Variants in LRRC4B observed in about 807,000 individuals in gnomAD.
LRRC4B encodes the protein leucine rich repeat containing 4B.
Under a neutral mutation model 7.3 loss-of-function variants are expected in LRRC4B, and 1 was observed. The ratio of observed to expected loss-of-function variants is 0.14; its 90% CI spans 0.05 to 0.65. The LOEUF is 0.65. LRRC4B is among the 30% of genes least tolerant of loss of function. The pLI is 0.84. For synonymous variants in LRRC4B, 500 were observed against 499.2 expected (o/e 1.00, Z -0.02); for missense variants, 730 against 1,041.6 (o/e 0.70, Z 4.12).
In LRRC4B at chr19:50,548,550, C is replaced by T. The variant is rs1322925808; in HGVS notation, c.289G>A (p.Gly97Ser). The T allele has an allele frequency of 4.4e-6, 7 of 1,596,170 alleles. No individual in the cohort carries two copies. The highest frequency in any genetic ancestry group is 1.3e-5 in the African/African-American group (1 of 74,854). Residue 97 changes from glycine to serine, a missense_variant, in exon 2 of 3, where the codon GGC becomes AGC. This residue lies in a region of LRRC4B where 143 missense variants were observed against 158.4 expected (regional missense o/e 0.90). Transcript: ENST00000652263. This position sits in a 1 kb window ranked among gnomAD's most constrained non-coding sequence, Gnocchi z 6.8. Reference sequence around the variant, plus strand: ...CCGCTGGCCCCGCATACCTGGATGCCGTTCTCTTGCAGGTTCAGGTACCGC... The same window carrying T: ...CCGCTGGCCCCGCATACCTGGATGCTGTTCTCTTGCAGGTTCAGGTACCGC... ...NTRYLNLQEN[G>S]IQVIRTDTFK...
intron 2 of LRRC4B, among the ~76,000 whole-genome samples, chr19:50,530,622 G>T (rs1981013410): frequency 6.6e-6 from 1 of 152,212 alleles, no homozygotes; most frequent in Non-Finnish European, 1.5e-5. Flanking sequence ...CGTCAGCCTT[G>T]CGAGCTGCTC....
rs946831941 is a variant in LRRC4B at position 50,517,558 on chromosome 19, C to G, written c.*13G>C. On this transcript the variant is annotated 3_prime_UTR_variant, in exon 3 of 3. Coordinates refer to ENST00000652263, the MANE Select transcript of LRRC4B (RefSeq NM_001080457.2). This position sits in a 1 kb window ranked among gnomAD's most constrained non-coding sequence, Gnocchi z 6.6. Reference sequence around the variant, plus strand: ...GGGGGCTCCACGCCCCTCGCCCGCCCGGCCCCGCCGCCTCAGATCTGCGTC... The same window carrying G: ...GGGGGCTCCACGCCCCTCGCCCGCCGGGCCCCGCCGCCTCAGATCTGCGTC... 2 of 1,418,854 alleles carry G rather than the reference C, an allele frequency of 1.4e-6. No homozygotes were observed. Among genetic ancestry groups the G allele is most frequent in the African/African-American group, 3.0e-5 (2 of 66,788 alleles). 87.9% of individuals were successfully genotyped at this position (1,418,854 alleles called of 1,614,324 possible). A position where few individuals can be genotyped will look rare whatever the true frequency, so the allele number is the denominator to read the frequency against.
chr19:50,552,120 C>CTCATGGCA (rs552360482), intron 1 of LRRC4B, among the ~76,000 whole-genome samples: 1 of 152,228 alleles, frequency 6.6e-6, no homozygotes, highest in East Asian at 1.9e-4. Flanking sequence ...AAGCCGGAGC[C>CTCATGGCA]TCATGGCACA....
At position 50,556,877 on chromosome 19, in the gene LRRC4B, C is replaced by G. The variant is rs1206028643; in HGVS notation, c.-35-8004G>C. On this transcript the variant is annotated intron_variant, in intron 1 of 2. Transcript: ENST00000652263. The surrounding 1 kb of genome is among the most constrained non-coding windows in gnomAD (Gnocchi z 4.2). ...TGAGAGGGCGGGCACAGGGTGGGCC[C>G]CGGAACGTCCAGGAGGGAAGCCGGG... Among the ~76,000 whole-genome samples the G allele has an allele frequency of 6.6e-6, 1 of 151,792 alleles. No individual in the cohort carries two copies. The highest frequency in any genetic ancestry group is 2.4e-5 in the African/African-American group (1 of 41,288).
chr19:50,525,967 C>A (rs1980792966), intron 2 of LRRC4B, among the ~76,000 whole-genome samples: 1 of 152,094 alleles, frequency 6.6e-6, no homozygotes, highest in African/African-American at 2.4e-5. Context: ...TTGCGGTGAG[C>A]CGAGATAACG....
At chr19:50,559,156 C>T (rs543186555) in intron 1 of LRRC4B, among the ~76,000 whole-genome samples, 24 of 152,220 alleles carry the variant, frequency 1.6e-4, no homozygotes, top group South Asian at 6.2e-4. Flanking sequence ...AAAAGAGGGC[C>T]GGGGGTGGTG....
At chr19:50,527,174 A>G (rs1483085484) in intron 2 of LRRC4B, among the ~76,000 whole-genome samples, 1 of 151,758 alleles carries the variant, frequency 6.6e-6, no homozygotes, top group East Asian at 1.9e-4. Flanking sequence ...CTGGGACTAC[A>G]GGCACCCGCC....
rs776248568 is a variant in LRRC4B at position 50,548,684 on chromosome 19, G to A, written c.155C>T (p.Pro52Leu). Residue 52 changes from proline (P) to leucine (L), a missense_variant, in exon 2 of 3, where the codon CCG becomes CTG. By Grantham distance (98) the Pro-to-Leu change is moderately conservative. Transcript: ENST00000652263. This position sits in a 1 kb window ranked among gnomAD's most constrained non-coding sequence, Gnocchi z 6.8. ...GGCCACGGGGCAGGAGGTGGCCGGC[G>A]GGGAGCCCCCTCCGGCGGCAGACGT... ...AVTSAAGGGS[P>L]PATSCPVACS... The A allele has an allele frequency of 4.3e-5, 66 of 1,552,784 alleles. No homozygotes were observed. The East Asian group carries it at 5.5e-4, about 13-fold the overall frequency.
In LRRC4B at chr19:50,519,182, G is replaced by A; in HGVS notation, c.531C>T (p.Ala177=). Residue 177 remains alanine, a synonymous_variant, in exon 3 of 3, where the codon GCC becomes GCT. Coordinates refer to ENST00000652263, the MANE Select transcript of LRRC4B (RefSeq NM_001080457.2). The surrounding 1 kb of genome is among the most constrained non-coding windows in gnomAD (Gnocchi z 8.1). ...NNPIESIPSY[A]FNRVPSLRRL... ...GCCGCAGCGAGGGCACGCGGTTGAA[G>A]GCGTAGGAGGGGATGCTCTCGATGG... 1 of 1,613,894 alleles carries A rather than the reference G, an allele frequency of 6.2e-7. No individual in the cohort carries two copies.
rs1328010785 is a variant in LRRC4B at position 50,553,074 on chromosome 19, T to A, written c.-35-4201A>T. On this transcript the variant is annotated intron_variant, in intron 1 of 2. Coordinates refer to ENST00000652263, the MANE Select transcript of LRRC4B (RefSeq NM_001080457.2). This position sits in a 1 kb window ranked among gnomAD's most constrained non-coding sequence, Gnocchi z 4.2. The stretch of plus-strand genomic sequence containing the variant: ...TGTGGGGATTAAATCGCTAAATCCT[T>A]GGTAAAGAGTTCTGTCTTCACAACA... Among the ~76,000 whole-genome samples the A allele has an allele frequency of 6.6e-6, 1 of 152,184 alleles. No homozygotes were observed. The highest frequency in any genetic ancestry group is 1.5e-5 in the Non-Finnish European group (1 of 68,032).
At chr19:50,560,811 G>A (rs1001027647) in intron 1 of LRRC4B, among the ~76,000 whole-genome samples, 6 of 152,194 alleles carry the variant, frequency 3.9e-5, no homozygotes, top group Non-Finnish European at 5.9e-5. Flanking sequence ...ATTCTCGGCC[G>A]GGTGCAGTGG....
chr19:50,554,807 G>T (rs960940098), intron 1 of LRRC4B, among the ~76,000 whole-genome samples: 4 of 152,226 alleles, frequency 2.6e-5, no homozygotes, highest in Non-Finnish European at 5.9e-5. Context: ...ACACACAGAG[G>T]TACTGTTAGT....
intron 2 of LRRC4B, among the ~76,000 whole-genome samples, chr19:50,547,651 CAT>C (rs1193018070): frequency 6.8e-6 from 1 of 147,934 alleles, no homozygotes; most frequent in Non-Finnish European, 1.5e-5. Context: ...GTGCTACTGG[CAT>C]CTAGTGGCCG....
At chr19:50,546,216 T>C (rs901030142) in intron 2 of LRRC4B, among the ~76,000 whole-genome samples, 12 of 151,994 alleles carry the variant, frequency 7.9e-5, no homozygotes, top group African/African-American at 2.9e-4. Context: ...GCGCCTGTAA[T>C]CCCAGCTACT....
At chr19:50,536,223 TCC>T (rs1203377947) in intron 2 of LRRC4B, among the ~76,000 whole-genome samples, 3 of 151,830 alleles carry the variant, frequency 2.0e-5, no homozygotes, top group African/African-American at 7.3e-5. Context: ...AACCTTCGCC[TCC>T]CAGGTTCAAG....
intron 2 of LRRC4B, among the ~76,000 whole-genome samples, chr19:50,526,850 C>T (rs866073200): frequency 6.8e-6 from 1 of 147,616 alleles, no homozygotes; most frequent in Non-Finnish European, 1.5e-5. Context: ...TTTTCATTAT[C>T]TTTTACTTTT....
At chr19:50,567,856 C>T (rs1299448907) in intron 1 of LRRC4B, 88 bp downstream of exon 1, 6 of 129,856 alleles carry the variant, frequency 4.6e-5, no homozygotes, top group Non-Finnish European at 9.9e-5. Flanking sequence ...AGACCACTGT[C>T]CCCCAATTAG....
At chr19:50,535,253 G>A (rs1395599672) in intron 2 of LRRC4B, among the ~76,000 whole-genome samples, 2 of 151,692 alleles carry the variant, frequency 1.3e-5, no homozygotes, top group East Asian at 1.9e-4. Context: ...GCTCACTGCA[G>A]CCTCCGCCTC....
At chr19:50,520,203 CAAA>C (rs1173919963) in intron 2 of LRRC4B, among the ~76,000 whole-genome samples, 1 of 9,380 alleles carries the variant, frequency 1.1e-4, no homozygotes, top group Non-Finnish European at 1.9e-4. Context: ...AATACCCTGT[CAAA>C]AAAAAAAAAA....
Sources: gnomAD v4.1 joint callset for allele counts (sites outside exome capture counted in the v4.1 genomes callset) on GRCh38, gnomAD v4.1.1 for gene constraint, gnomAD v4.1.1 regional missense constraint, Gnocchi (gnomAD v3.1) non-coding constraint, MANE v1.5 for transcripts, NCBI Gene and HGNC (gene_info 2026-07-23, HGNC 2026-07-21) for gene names.